Variants in DNER observed in about 807,000 individuals in gnomAD.
DNER encodes delta/notch like EGF repeat containing.
Under a neutral mutation model 78.2 loss-of-function variants are expected in DNER, and 33 were observed. That is an observed-to-expected ratio of 0.42 (90% CI 0.32 to 0.56). The LOEUF (loss-of-function observed/expected upper bound fraction) is 0.56, where lower values mean the gene tolerates loss of function less well. DNER is among the 20% of genes least tolerant of loss of function. The probability of loss-of-function intolerance (pLI) is 0.11; values close to 1 mark genes in which losing one functional copy is unlikely to be tolerated. For missense variants in DNER, 918 were observed against 975.3 expected (o/e 0.94, Z 0.78); for synonymous variants, 417 against 384.8 (o/e 1.08, Z -0.98).
intron 6 of DNER, among the ~76,000 whole-genome samples, chr2:229,511,987 T>C (rs1695870866): frequency 6.6e-6 from 1 of 152,126 alleles, no homozygotes; most frequent in Non-Finnish European, 1.5e-5. Context: ...GACTAAGAAG[T>C]GTATGCTGAA....
chr2:229,618,842 C>A (rs1449097179), intron 1 of DNER, among the ~76,000 whole-genome samples: 2 of 152,040 alleles, frequency 1.3e-5, no homozygotes, highest in Non-Finnish European at 2.9e-5. Context: ...ATGACTCAAT[C>A]AAAATTTTAC....
chr2:229,603,066 C>T (rs1021720408), intron 1 of DNER, among the ~76,000 whole-genome samples: 4 of 152,148 alleles, frequency 2.6e-5, no homozygotes, highest in African/African-American at 9.7e-5. Flanking sequence ...AAGGATCACA[C>T]AGGGACACTT....
intron 1 of DNER, among the ~76,000 whole-genome samples, chr2:229,651,039 G>A (rs1034346893): frequency 4.6e-5 from 7 of 152,086 alleles, no homozygotes; most frequent in African/African-American, 7.2e-5. Context: ...GCCTAAAGGT[G>A]GCCCCTGACA....
intron 1 of DNER, among the ~76,000 whole-genome samples, chr2:229,701,530 C>A (rs1345108522): frequency 6.6e-6 from 1 of 152,246 alleles, no homozygotes; most frequent in African/African-American, 2.4e-5. Flanking sequence ...TGGGGTACTT[C>A]GAGGTCCCTG....
chr2:229,588,534 G>A, intron 2 of DNER, 46 bp from the exon 3 acceptor site: 2 of 1,556,526 alleles, frequency 1.3e-6, no homozygotes, highest in Non-Finnish European at 1.8e-6. Flanking sequence ...GTTGTTTATA[G>A]TATAACATAA....
intron 3 of DNER, among the ~76,000 whole-genome samples, chr2:229,587,793 G>A (rs1697529802): frequency 6.6e-6 from 1 of 152,034 alleles, no homozygotes; most frequent in South Asian, 2.1e-4. Context: ...GCTGACTTGA[G>A]CCTCATATAA....
intron 8 of DNER, among the ~76,000 whole-genome samples, chr2:229,436,251 C>T (rs1213230381): frequency 6.6e-6 from 1 of 152,122 alleles, no homozygotes; most frequent in Non-Finnish European, 1.5e-5. Context: ...GCCTGTGGAT[C>T]CATACATGTT....
At position 229,497,101 on chromosome 2, in the gene DNER, A is replaced by G. The variant is rs549266284; in HGVS notation, c.1147+15682T>C. 2.2e-4 allele frequency among the ~76,000 whole-genome samples: 34 copies of G among 152,344 alleles called. No homozygotes were observed. The South Asian group carries it at 4.8e-3, about 21-fold the overall frequency. ...AGAAGATTGAAATCACATCAATAATATTTTCATATTACAATGATATGAAAG... is the reference window on the plus strand; with the variant it reads ...AGAAGATTGAAATCACATCAATAATGTTTTCATATTACAATGATATGAAAG... On this transcript the variant is annotated intron_variant, in intron 6 of 12. Coordinates refer to ENST00000341772, the MANE Select transcript of DNER (RefSeq NM_139072.4).
chr2:229,418,717 C>A (rs759725839), intron 8 of DNER, among the ~76,000 whole-genome samples: 1 of 151,954 alleles, frequency 6.6e-6, no homozygotes. Flanking sequence ...CTCAGGAGTT[C>A]GAGACCAGCC....
intron 6 of DNER, among the ~76,000 whole-genome samples, chr2:229,499,220 C>G (rs1469876863): frequency 6.6e-6 from 1 of 151,948 alleles, no homozygotes; most frequent in Admixed American, 6.6e-5. Flanking sequence ...CCGAGGCGGG[C>G]AGATCACCTG....
chr2:229,373,125 C>T (rs1333034946), intron 11 of DNER, among the ~76,000 whole-genome samples: 2 of 152,060 alleles, frequency 1.3e-5, no homozygotes. Context: ...CTAAAGAGCA[C>T]AGCAAAAGAA....
At chr2:229,574,601 T>C (rs1697264349) in intron 4 of DNER, among the ~76,000 whole-genome samples, 1 of 152,162 alleles carries the variant, frequency 6.6e-6, no homozygotes, top group Non-Finnish European at 1.5e-5. Flanking sequence ...TGGTTGTCAG[T>C]AGAGGGGCGG....
rs573333750 is a variant in DNER, at chr2:229,661,942, A to G, written c.276+52206T>C. 1.2e-4 allele frequency among the ~76,000 whole-genome samples: 19 copies of G among 152,322 alleles called. No homozygotes were observed. The South Asian group carries it at 3.9e-3, about 32-fold the overall frequency. On this transcript the variant is annotated intron_variant, in intron 1 of 12. Coordinates refer to ENST00000341772, the MANE Select transcript of DNER (RefSeq NM_139072.4). ...TTGATGCCAATATCAAGAGCTAGGA[A>G]TAGAAAAACTCCAGCAGGCAGCCAC...
intron 11 of DNER, among the ~76,000 whole-genome samples, chr2:229,369,581 G>T (rs1156267168): frequency 6.6e-6 from 1 of 152,134 alleles, no homozygotes; most frequent in Non-Finnish European, 1.5e-5. Context: ...GGTGGAGGAG[G>T]GAAGGATAAA....
intron 1 of DNER, among the ~76,000 whole-genome samples, chr2:229,639,834 C>T (rs1160242219): frequency 6.6e-6 from 1 of 152,142 alleles, no homozygotes; most frequent in African/African-American, 2.4e-5. Context: ...AGGGCAGGCC[C>T]TTGAATGATG....
chr2:229,695,163 C>G (rs1699642947), intron 1 of DNER, among the ~76,000 whole-genome samples: 1 of 152,176 alleles, frequency 6.6e-6, no homozygotes, highest in Non-Finnish European at 1.5e-5. Flanking sequence ...TTCCTGAGGC[C>G]TCCCCAGCCA....
chr2:229,652,161 A>G (rs1698831382), intron 1 of DNER, among the ~76,000 whole-genome samples: 1 of 152,240 alleles, frequency 6.6e-6, no homozygotes, highest in South Asian at 2.1e-4. Context: ...GAACAGTTTG[A>G]AATGAAATCA....
intron 6 of DNER, among the ~76,000 whole-genome samples, chr2:229,496,465 A>G (rs148931029): frequency 1.6e-4 from 25 of 152,318 alleles, no homozygotes; most frequent in Admixed American, 1.2e-3. Flanking sequence ...ATCAATAATT[A>G]TTTTGAATGT....
intron 1 of DNER, among the ~76,000 whole-genome samples, chr2:229,599,576 G>A (rs1471584620): frequency 6.6e-6 from 1 of 152,192 alleles, no homozygotes; most frequent in Non-Finnish European, 1.5e-5. Flanking sequence ...CCTGGGGAAA[G>A]ATCATCTCTG....
Sources: gnomAD v4.1 joint callset for allele counts (sites outside exome capture counted in the v4.1 genomes callset) on GRCh38, gnomAD v4.1.1 for gene constraint, MANE v1.5 for transcripts, NCBI Gene and HGNC (gene_info 2026-07-23, HGNC 2026-07-21) for gene names.